Variants in TRIO observed in about 807,000 individuals in gnomAD.
TRIO encodes the protein triple functional domain protein.
In TRIO, 58 loss-of-function variants were observed where a neutral mutation model predicts 351.9. The observed-to-expected ratio is 0.16, with a 90% CI of 0.13 to 0.21. The LOEUF is 0.21. TRIO is among the 10% of genes least tolerant of loss of function. The probability of loss-of-function intolerance (pLI) is 1.00; values close to 1 mark genes in which losing one functional copy is unlikely to be tolerated. For synonymous variants in TRIO, 1,758 were observed against 1,595.7 expected (o/e 1.10, Z -2.42); for missense variants, 3,201 against 4,027.8 (o/e 0.79, Z 5.56).
In TRIO at chr5:14,374,308, T is replaced by G; in HGVS notation, c.3296T>G (p.Val1099Gly). The G allele has an allele frequency of 6.2e-7, 1 of 1,613,536 alleles. No homozygotes were observed. Among genetic ancestry groups the G allele is most frequent in the Non-Finnish European group, 8.5e-7 (1 of 1,179,640 alleles). Reference protein sequence around the residue: ...HRNSVNMPGMVTHIKAPEQQV... With the variant: ...HRNSVNMPGMGTHIKAPEQQV... ...AACAGCGTGAACATGCCAGGAATGG[T>G]GACGCACATCAAAGCTCCTGAACAG... The change falls in exon 19 of 57, where the codon GTG (valine) becomes GGG (glycine). Residue 1099 changes from valine to glycine, a missense_variant. Physicochemically the swap from Val to Gly is moderately radical, Grantham distance 109. Around this residue, in one of 19 missense-constraint regions of TRIO, gnomAD observed 201 missense variants for 266.5 expected, o/e 0.75. Transcript: ENST00000344204.
chr5:14,323,691 C>T (rs1740106678), intron 9 of TRIO, among the ~76,000 whole-genome samples: 1 of 152,216 alleles, frequency 6.6e-6, no homozygotes. Context: ...TGAGCTTGGC[C>T]TCCGTGGGAG....
rs538275384 is a variant in TRIO at position 14,428,385 on chromosome 5, G to GT, written c.5203+8373dup. Among the ~76,000 whole-genome samples, 510 of 151,576 alleles carry GT rather than the reference G, an allele frequency of 3.4e-3. 1 individual carries two copies. Among genetic ancestry groups the GT allele is most frequent in the Admixed American group, 5.1e-3 (77 of 15,234 alleles). On this transcript the variant is annotated intron_variant, in intron 34 of 56. Coordinates refer to ENST00000344204, the MANE Select transcript of TRIO (RefSeq NM_007118.4). The stretch of plus-strand genomic sequence containing the variant: ...AATATACTGAGAAATCTATATACAG[G>GT]TTTTTTTTTAATTAGCTTGGAAAAG...
intron 11 of TRIO, among the ~76,000 whole-genome samples, chr5:14,339,703 C>T (rs1475180251): frequency 6.6e-6 from 1 of 152,196 alleles, no homozygotes; most frequent in Non-Finnish European, 1.5e-5. Flanking sequence ...TGCCCGCAGG[C>T]TGGAATGCTG....
intron 3 of TRIO, among the ~76,000 whole-genome samples, chr5:14,285,842 G>A (rs1047344746): frequency 2.6e-5 from 4 of 152,162 alleles, no homozygotes; most frequent in African/African-American, 7.2e-5. Context: ...ACTGTCTGGT[G>A]CAGGCATCAG....
intron 11 of TRIO, among the ~76,000 whole-genome samples, chr5:14,354,536 C>A (rs145368256): frequency 5.5e-4 from 83 of 152,280 alleles, no homozygotes; most frequent in Non-Finnish European, 2.9e-4. Flanking sequence ...GAGTTGGCTC[C>A]TTTACCTTTA....
At chr5:14,404,498 C>T (rs1203552919) in intron 31 of TRIO, among the ~76,000 whole-genome samples, 2 of 152,136 alleles carry the variant, frequency 1.3e-5, no homozygotes, top group Admixed American at 6.5e-5. Context: ...TAACAGTTTT[C>T]CTCAGTTGTT....
chr5:14,274,192 T>C (rs1735291395), intron 2 of TRIO, among the ~76,000 whole-genome samples: 1 of 152,194 alleles, frequency 6.6e-6, no homozygotes, highest in Non-Finnish European at 1.5e-5. Flanking sequence ...AGATGTCTGG[T>C]AAGGCTCTTT....
At chr5:14,205,266 T>G (rs1385683672) in intron 1 of TRIO, among the ~76,000 whole-genome samples, 1 of 152,210 alleles carries the variant, frequency 6.6e-6, no homozygotes, top group Non-Finnish European at 1.5e-5. Flanking sequence ...CTGTTTCTTT[T>G]GTGGATTGCA....
At chr5:14,170,537 T>C (rs999686208) in intron 1 of TRIO, among the ~76,000 whole-genome samples, 13 of 149,034 alleles carry the variant, frequency 8.7e-5, no homozygotes, top group Non-Finnish European at 1.8e-4. Flanking sequence ...GGAGAAGTCT[T>C]GCTTTGTCGC....
chr5:14,271,313 G>A (rs193132120), intron 2 of TRIO, among the ~76,000 whole-genome samples: 3 of 152,130 alleles, frequency 2.0e-5, no homozygotes, highest in Non-Finnish European at 4.4e-5. Flanking sequence ...TCTTTTGGGA[G>A]GCAAGGATGC....
chr5:14,189,050 C>G (rs1344486533), intron 1 of TRIO, among the ~76,000 whole-genome samples: 3 of 152,196 alleles, frequency 2.0e-5, no homozygotes, highest in African/African-American at 7.2e-5. Flanking sequence ...GGCCATGGCT[C>G]TCTCTTGAAA....
At chr5:14,437,861 G>A (rs563409565) in intron 34 of TRIO, among the ~76,000 whole-genome samples, 4 of 152,116 alleles carry the variant, frequency 2.6e-5, no homozygotes, top group African/African-American at 9.7e-5. Flanking sequence ...GGTTTGGGGC[G>A]ATGTGAAATA....
rs1326980995 is a variant in TRIO at position 14,421,246 on chromosome 5, AT to A, written c.5203+1229del. On this transcript the variant is annotated intron_variant, in intron 34 of 56. Coordinates refer to ENST00000344204, the MANE Select transcript of TRIO (RefSeq NM_007118.4). ...TTATTTATTTATTTTATTTTATTTTATTTTATTTTATTTTATTTTATTTTAT... is the reference window on the plus strand; with the variant it reads ...TTATTTATTTATTTTATTTTATTTTATTTATTTTATTTTATTTTATTTTAT... Among the ~76,000 whole-genome samples the A allele has an allele frequency of 3.7e-3, 464 of 125,636 alleles. 6 individuals are homozygous for A. Among genetic ancestry groups the A allele is most frequent in the African/African-American group, 0.019 (450 of 23,662 alleles). The allele number at this position is 125,636 out of a possible 152,430, so 82.4% of individuals were successfully genotyped here.
rs754424970 is a variant in TRIO at position 14,387,836 on chromosome 5, C to T, written c.3870C>T (p.Ala1290=). The part of the protein sequence containing the change: ...HELNEEKRKS[A]RRKEFIMAEL... ...TTAATGAAGAGAAGCGGAAATCTGC[C>T]CGCAGGAAAGAGTAAGCCAGTCTTT... is the stretch of plus-strand genomic sequence containing the variant. The change falls in exon 23 of 57, where the codon GCC becomes GCT. Residue 1290 remains alanine, a synonymous_variant. Transcript: ENST00000344204. 3.1e-6 allele frequency: 5 copies of T among 1,613,924 alleles called. No homozygotes were observed. In the Admixed American group the frequency reaches 8.3e-5, roughly 27 times the overall value.
intron 1 of TRIO, among the ~76,000 whole-genome samples, chr5:14,178,009 A>G (rs1459172192): frequency 6.6e-6 from 1 of 152,176 alleles, no homozygotes; most frequent in African/African-American, 2.4e-5. Flanking sequence ...AATATTACAG[A>G]TACTGTTTGT....
chr5:14,187,563 G>A (rs1790200805), intron 1 of TRIO, among the ~76,000 whole-genome samples: 1 of 152,160 alleles, frequency 6.6e-6, no homozygotes, highest in Non-Finnish European at 1.5e-5. Flanking sequence ...ACAGCCACAG[G>A]CCATCCTATT....
At chr5:14,304,419 A>G (rs1561315218) in intron 7 of TRIO, 42 bp from the exon 8 acceptor site, 1 of 1,579,780 alleles carries the variant, frequency 6.3e-7, no homozygotes, top group Non-Finnish European at 8.6e-7. Context: ...TTCTCAATAT[A>G]AATTGTCATT....
intron 1 of TRIO, among the ~76,000 whole-genome samples, chr5:14,216,794 A>G (rs1235730229): frequency 3.3e-5 from 5 of 152,246 alleles, no homozygotes; most frequent in Non-Finnish European, 7.3e-5. Context: ...CCTGGTCAGT[A>G]CAGTTGTTTT....
chr5:14,451,675 T>G (rs1752860977), intron 34 of TRIO, among the ~76,000 whole-genome samples: 2 of 152,272 alleles, frequency 1.3e-5, no homozygotes, highest in African/African-American at 4.8e-5. Flanking sequence ...TGGAGTTATT[T>G]TCAGACATTA....
Sources: allele counts gnomAD v4.1 joint callset (sites outside exome capture counted in the v4.1 genomes callset), GRCh38; gene constraint gnomAD v4.1.1; regional missense constraint gnomAD v4.1.1; transcripts MANE v1.5; gene names NCBI Gene and HGNC (gene_info 2026-07-23, HGNC 2026-07-21).